PLAAT3: variants seen among roughly 807,000 people sequenced by gnomAD.
The protein encoded by PLAAT3 is phospholipase A and acyltransferase 3.
PLAAT3 carries 21 observed loss-of-function variants against 16.7 expected under a neutral mutation model. The observed-to-expected ratio is 1.26, with a 90% confidence interval of 0.89 to 1.81. The LOEUF (loss-of-function observed/expected upper bound fraction) is 1.81. Among genes scored for constraint, PLAAT3 ranks in the 40% most tolerant of loss-of-function variants. The pLI is 0.00. For missense variants in PLAAT3, 219 were observed against 213.7 expected, an observed-to-expected ratio of 1.02 and a Z score of -0.16; for synonymous variants, 76 against 81.7, an observed-to-expected ratio of 0.93 and a Z score of 0.38.
intron 4 of PLAAT3, among the ~76,000 whole-genome samples, chr11:63,589,826 T>G (rs1938093967): frequency 6.6e-6 from 1 of 152,124 alleles, no homozygotes; most frequent in Admixed American, 6.5e-5. Flanking sequence ...CAGGGACAGG[T>G]GGCCAGGGAG....
chr11:63,610,534 G>A (rs944766824), intron 2 of PLAAT3, among the ~76,000 whole-genome samples: 1 of 152,188 alleles, frequency 6.6e-6, no homozygotes, highest in Non-Finnish European at 1.5e-5. Flanking sequence ...CTCTCAGCCC[G>A]TGGCTGAATA....
intron 3 of PLAAT3, among the ~76,000 whole-genome samples, chr11:63,592,486 T>C (rs1218650225): frequency 6.6e-6 from 1 of 152,196 alleles, no homozygotes; most frequent in African/African-American, 2.4e-5. Context: ...TAAAGTTCCT[T>C]CTTTTAAAAA....
chr11:63,597,347 AC>A (rs1324238869), intron 3 of PLAAT3, among the ~76,000 whole-genome samples: 1 of 151,900 alleles, frequency 6.6e-6, no homozygotes, highest in Non-Finnish European at 1.5e-5. Context: ...ACACGGTGAA[AC>A]CCCGTCTCTA....
At chr11:63,581,060 G>C (rs189617980) in intron 4 of PLAAT3, among the ~76,000 whole-genome samples, 1 of 152,250 alleles carries the variant, frequency 6.6e-6, no homozygotes, top group East Asian at 1.9e-4. Flanking sequence ...TCTTATGCCT[G>C]TCTTTAATCT....
chr11:63,603,564 T>G (rs1449788352), intron 2 of PLAAT3, among the ~76,000 whole-genome samples: 1 of 151,602 alleles, frequency 6.6e-6, no homozygotes, highest in East Asian at 1.9e-4. Flanking sequence ...CAAACCACCA[T>G]GGCACACTTT....
chr11:63,576,528 G>A (rs1352861132), intron 4 of PLAAT3, among the ~76,000 whole-genome samples: 1 of 152,094 alleles, frequency 6.6e-6, no homozygotes, highest in Non-Finnish European at 1.5e-5. Flanking sequence ...GGCTGAGGCA[G>A]AAAAAAATCA....
At chr11:63,613,272 G>T (rs981358324) in intron 2 of PLAAT3, among the ~76,000 whole-genome samples, 1 of 151,864 alleles carries the variant, frequency 6.6e-6, no homozygotes, top group Non-Finnish European at 1.5e-5. Flanking sequence ...TTAGCCAGGC[G>T]TAGTGGCGGG....
chr11:63,578,037 C>A (rs962576535), intron 4 of PLAAT3, among the ~76,000 whole-genome samples: 4 of 152,110 alleles, frequency 2.6e-5, no homozygotes, highest in Non-Finnish European at 5.9e-5. Context: ...AATCCCAGCA[C>A]TTTGGGAGGC....
intron 4 of PLAAT3, among the ~76,000 whole-genome samples, chr11:63,587,389 C>G (rs1245580889): frequency 6.6e-6 from 1 of 151,594 alleles, no homozygotes; most frequent in Non-Finnish European, 1.5e-5. Context: ...ACCACAATAA[C>G]AAAAGCTAGA....
At chr11:63,586,726 C>CAA (rs796796712) in intron 4 of PLAAT3, among the ~76,000 whole-genome samples, 1 of 141,950 alleles carries the variant, frequency 7.0e-6, no homozygotes, top group African/African-American at 2.6e-5. Context: ...ACTGCTAATT[C>CAA]AAAAAAAAAA....
intron 4 of PLAAT3, among the ~76,000 whole-genome samples, chr11:63,582,389 C>T (rs575974153): frequency 2.9e-4 from 44 of 152,274 alleles, no homozygotes; most frequent in African/African-American, 9.9e-4. Flanking sequence ...AGGGCCATCT[C>T]TGGGATAGAC....
chr11:63,592,597 A>G (rs780187032), intron 3 of PLAAT3, among the ~76,000 whole-genome samples: 14 of 152,230 alleles, frequency 9.2e-5, no homozygotes, highest in Non-Finnish European at 1.8e-4. Context: ...TGGACTGGGC[A>G]GTGCAGCATT....
At position 63,576,338 on chromosome 11, in the gene PLAAT3, G is replaced by A. The variant is rs1354596729; in HGVS notation, c.388-1292C>T. Among the ~76,000 whole-genome samples the A allele has an allele frequency of 2.6e-5, 4 of 152,230 alleles. No homozygotes were observed. The South Asian group carries it at 6.2e-4, about 24-fold the overall frequency. ...CAGCACAGTATGAAAGAGGTGAGAT[G>A]CTCAGCTGGGTGTGGTGGCTTACGC... On this transcript the variant is annotated intron_variant, in intron 4 of 4. Coordinates refer to ENST00000415826, the MANE Select transcript of PLAAT3 (RefSeq NM_001128203.2).
At chr11:63,581,340 G>A (rs368919316) in intron 4 of PLAAT3, among the ~76,000 whole-genome samples, 3 of 152,150 alleles carry the variant, frequency 2.0e-5, no homozygotes, top group Non-Finnish European at 4.4e-5. Context: ...ATTCTTTTCC[G>A]AGCAAGGAAC....
chr11:63,588,301 C>T (rs913600343), intron 4 of PLAAT3, among the ~76,000 whole-genome samples: 4 of 152,044 alleles, frequency 2.6e-5, no homozygotes, highest in South Asian at 2.1e-4. Flanking sequence ...AACTCCTGAC[C>T]GCAAGTGGTC....
chr11:63,582,769 G>A (rs1187556218), intron 4 of PLAAT3, among the ~76,000 whole-genome samples: 3 of 152,190 alleles, frequency 2.0e-5, no homozygotes, highest in Admixed American at 1.3e-4. Flanking sequence ...AGCCTCAGTA[G>A]CATCAAGATA....
intron 4 of PLAAT3, among the ~76,000 whole-genome samples, chr11:63,589,510 A>G (rs1357968185): frequency 1.3e-5 from 2 of 152,074 alleles, no homozygotes; most frequent in Non-Finnish European, 2.9e-5. Context: ...GAGGAAAGAC[A>G]AAAATAAAAT....
At chr11:63,598,378 AT>A (rs776545687) in intron 2 of PLAAT3, among the ~76,000 whole-genome samples, 28 of 152,282 alleles carry the variant, frequency 1.8e-4, no homozygotes, top group Non-Finnish European at 3.2e-4. Context: ...GTCAATACAA[AT>A]TGCCAAGTGC....
chr11:63,586,581 CTG>C (rs1464961376), intron 4 of PLAAT3, among the ~76,000 whole-genome samples: 1 of 152,190 alleles, frequency 6.6e-6, no homozygotes, highest in East Asian at 1.9e-4. Flanking sequence ...GTCTTGTACT[CTG>C]TATTTGGAGT....
Sources: allele counts gnomAD v4.1 joint callset (sites outside exome capture counted in the v4.1 genomes callset), GRCh38; gene constraint gnomAD v4.1.1; transcripts MANE v1.5; gene names NCBI Gene and HGNC (gene_info 2026-07-23, HGNC 2026-07-21).